PRR36: variants seen among roughly 807,000 people sequenced by gnomAD.
The protein encoded by PRR36 is proline rich 36, also known as proline-rich protein 36.
PRR36 carries 30 observed loss-of-function variants against 58.6 expected under a neutral mutation model. The ratio of observed to expected loss-of-function variants is 0.51; its 90% CI spans 0.38 to 0.69. The LOEUF is 0.69. Ranked by LOEUF, PRR36 falls within the 30% of genes least tolerant of loss-of-function variation. PRR36 has a pLI of 0.00. For synonymous variants in PRR36, 771 were observed against 829.3 expected (o/e 0.93, Z 1.21); for missense variants, 1,692 against 1,805.6 (o/e 0.94, Z 1.14).
In PRR36 at chr19:7,872,174, G is replaced by A. The variant is rs1044183604; in HGVS notation, c.1070C>T (p.Pro357Leu). ...SQAPPTLPATPHSSSLTCQLA... is the reference protein window; with the variant it reads ...SQAPPTLPATLHSSSLTCQLA... ...CTGACAGGTAAGGCTCGACGAGTGGGGCGTGGCCGGCAGGGTGGGCGGGGC... is the reference window on the plus strand; with the variant it reads ...CTGACAGGTAAGGCTCGACGAGTGGAGCGTGGCCGGCAGGGTGGGCGGGGC... The change falls in exon 5 of 6, where the codon CCC becomes CTC. Residue 357 changes from proline to leucine, a missense_variant. Physicochemically the swap from Pro to Leu is moderately conservative, Grantham distance 98 (BLOSUM62 -3). This residue lies in a region of PRR36 where 975 missense variants were observed against 955.2 expected (regional missense o/e 1.02). Transcript: ENST00000618550. The surrounding 1 kb of genome is among the most constrained non-coding windows in gnomAD (Gnocchi z 6.1). 1.8e-5 allele frequency: 27 copies of A among 1,470,328 alleles called. No individual in the cohort carries two copies. The highest frequency in any genetic ancestry group is 2.3e-5 in the Non-Finnish European group (26 of 1,113,766). The allele number at this position is 1,470,328 out of a possible 1,614,324, so 91.1% of individuals were successfully genotyped here.
At position 7,873,703 on chromosome 19, in the gene PRR36, A is replaced by G; in HGVS notation, c.-7-7T>C. On this transcript the variant is annotated splice_polypyrimidine_tract_variant and splice_region_variant and intron_variant, in intron 1 of 5. Coordinates refer to ENST00000618550, the MANE Select transcript of PRR36 (RefSeq NM_001190467.2). The surrounding 1 kb of genome is among the most constrained non-coding windows in gnomAD (Gnocchi z 5.0). The stretch of plus-strand genomic sequence containing the variant: ...CTTGTTGTCCATCTTGCACCTGAAG[A>G]GACAAACCGGTCCGCATCCCAGGTT... The G allele has an allele frequency of 1.3e-6, 2 of 1,532,582 alleles. No individual in the cohort carries two copies. The highest frequency in any genetic ancestry group is 1.7e-6 in the Non-Finnish European group (2 of 1,145,162). 94.9% of individuals were successfully genotyped at this position (1,532,582 alleles called of 1,614,324 possible).
chr19:7,871,430 G>A lies in PRR36; in HGVS notation c.1814C>T (p.Pro605Leu). ...TSPSLQAPPS[P>L]LALSSLQATT... ...GGCCTGCAGAGAGGACAAAGCCAGA[G>A]GAGAGGGAGGTGCCTGCAGAGACGG... Residue 605 changes from proline to leucine, a missense_variant, in exon 5 of 6, where the codon CCT (proline) becomes CTT (leucine). Pro to Leu is a moderately conservative substitution (Grantham distance 98). Transcript: ENST00000618550. 2 of 1,535,756 alleles carry A rather than the reference G, an allele frequency of 1.3e-6. No homozygotes were observed. Among genetic ancestry groups the A allele is most frequent in the Non-Finnish European group, 1.7e-6 (2 of 1,146,808 alleles).
rs891516236 is a variant in PRR36, at chr19:7,872,801, C to A, written c.488-45G>T. The A allele has an allele frequency of 2.6e-6, 4 of 1,527,410 alleles. No individual in the cohort carries two copies. The highest frequency in any genetic ancestry group is 2.8e-5 in the African/African-American group (2 of 72,608). The allele number at this position is 1,527,410 out of a possible 1,614,324, so 94.6% of individuals were successfully genotyped here. ...CCAAGGGTCACCGATACCTCTGAGGCGGCTCCCCTTGCTGCCCAGGAACCC... is the reference window on the plus strand; with the variant it reads ...CCAAGGGTCACCGATACCTCTGAGGAGGCTCCCCTTGCTGCCCAGGAACCC... On this transcript the variant is annotated intron_variant, in intron 4 of 5. Transcript: ENST00000618550. This position sits in a 1 kb window ranked among gnomAD's most constrained non-coding sequence, Gnocchi z 6.1.
rs534691518 is a variant in PRR36 at position 7,873,889 on chromosome 19, C to G, written c.-7-193G>C. 3.6e-4 allele frequency among the ~76,000 whole-genome samples: 55 copies of G among 152,168 alleles called. No individual in the cohort carries two copies. Among genetic ancestry groups the G allele is most frequent in the African/African-American group, 1.3e-3 (52 of 41,550 alleles). ...CAGCCCCACTGCTCCTCGCTGTCCC[C>G]AAGTCCCACCCCCCACCGCTTTTCC... is the stretch of plus-strand genomic sequence containing the variant. On this transcript the variant is annotated intron_variant, in intron 1 of 5. Coordinates refer to ENST00000618550, the MANE Select transcript of PRR36 (RefSeq NM_001190467.2). The surrounding 1 kb of genome is among the most constrained non-coding windows in gnomAD (Gnocchi z 5.0).
rs1455492264 is a variant in PRR36 at position 7,872,512 on chromosome 19, G to A, written c.732C>T (p.Ser244=). ...CTGGGGAGGAGAGAGGGGTGGCGCTGGAGCTCAGGGAGCGCGAGGCCGGCC... is the reference window on the plus strand; with the variant it reads ...CTGGGGAGGAGAGAGGGGTGGCGCTAGAGCTCAGGGAGCGCGAGGCCGGCC... ...LQRPASRSLS[S]SATPLSSPAR... Residue 244 remains serine, a synonymous_variant, in exon 5 of 6, where the codon TCC becomes TCT. Transcript: ENST00000618550. The surrounding 1 kb of genome is among the most constrained non-coding windows in gnomAD (Gnocchi z 6.1). 5 of 1,500,230 alleles carry A rather than the reference G, an allele frequency of 3.3e-6. No homozygotes were observed. Among genetic ancestry groups the A allele is most frequent in the South Asian group, 1.3e-5 (1 of 78,288 alleles). 92.9% of individuals were successfully genotyped at this position (1,500,230 alleles called of 1,614,324 possible).
chr19:7,869,250 C>T lies in PRR36; in HGVS notation c.3824G>A (p.Gly1275Asp). 1 of 1,484,054 alleles carries T rather than the reference C, an allele frequency of 6.7e-7. No homozygotes were observed. The highest frequency in any genetic ancestry group is 1.5e-5 in the African/African-American group (1 of 68,678). The allele number at this position is 1,484,054 out of a possible 1,614,324, so 91.9% of individuals were successfully genotyped here. ...ACCTCCTGGGCCCCCGCCGCTGCCG[C>T]CCGCGGCACCCTCGGCAGCCGCCAG... Reference protein sequence around the residue: ...LLLAAAEGAAGGSGGGPGGAE... With the variant: ...LLLAAAEGAADGSGGGPGGAE... Residue 1275 changes from glycine to aspartate, a missense_variant, in exon 6 of 6, where the codon GGC becomes GAC. Around this residue, in one of 5 missense-constraint regions of PRR36, gnomAD observed 485 missense variants for 549.2 expected, o/e 0.88. Transcript: ENST00000618550.
In PRR36 at chr19:7,872,968, A is replaced by G; in HGVS notation, c.375-7T>C. ...CTGGCCAAGAGGGCCTGGCCTGGAG[A>G]CAGAAGGGGCCACGCTCAGGCCTAG... is the stretch of plus-strand genomic sequence containing the variant. On this transcript the variant is annotated splice_region_variant and splice_polypyrimidine_tract_variant and intron_variant, in intron 3 of 5. Coordinates refer to ENST00000618550, the MANE Select transcript of PRR36 (RefSeq NM_001190467.2). The surrounding 1 kb of genome is among the most constrained non-coding windows in gnomAD (Gnocchi z 6.1). 12 of 1,533,180 alleles carry G rather than the reference A, an allele frequency of 7.8e-6. No individual in the cohort carries two copies. Among genetic ancestry groups the G allele is most frequent in the Non-Finnish European group, 8.7e-6 (10 of 1,144,698 alleles). 95.0% of individuals were successfully genotyped at this position (1,533,180 alleles called of 1,614,324 possible). A position where few individuals can be genotyped will look rare whatever the true frequency, so the allele number is the denominator to read the frequency against.
rs1599588449 is a variant in PRR36 at position 7,870,497 on chromosome 19, T to C, written c.2747A>G (p.Gln916Arg). 3.7e-6 allele frequency: 3 copies of C among 815,026 alleles called. No individual in the cohort carries two copies. The highest frequency in any genetic ancestry group is 4.3e-6 in the Non-Finnish European group (3 of 698,828). The allele number at this position is 815,026 out of a possible 1,614,324, so 50.5% of individuals were successfully genotyped here. A position where few individuals can be genotyped will look rare whatever the true frequency, so the allele number is the denominator to read the frequency against. The change falls in exon 5 of 6, where the codon CAG (glutamine) becomes CGG (arginine). Residue 916 changes from glutamine to arginine, a missense_variant. Physicochemically the swap from Gln to Arg is conservative, Grantham distance 43 (BLOSUM62 1). Coordinates refer to ENST00000618550, the MANE Select transcript of PRR36 (RefSeq NM_001190467.2). ...AGGTGCGGCTAGAGAGGGTGGGGCC[T>C]GTGAAGGGGGCGTGGCCGAAGGAGA... ...PVSPSATPPSQAPPSLAAPPL... is the reference protein window; with the variant it reads ...PVSPSATPPSRAPPSLAAPPL...
Position 7,871,748 on chromosome 19 carries a change from G to A in PRR36, c.1496C>T (p.Ala499Val). 6.5e-7 allele frequency: 1 copy of A among 1,536,000 alleles called. No individual in the cohort carries two copies. The highest frequency in any genetic ancestry group is 8.7e-7 in the Non-Finnish European group (1 of 1,146,868). ...LSALTTPPPQ[A>V]SPSPSPPSLQ... The stretch of plus-strand genomic sequence containing the variant: ...AGAGGGCGGAGACGGGGAAGGACTG[G>A]CCTGCGGAGGGGGCGTGGTCAGAGC... Residue 499 changes from alanine to valine, a missense_variant, in exon 5 of 6, where the codon GCC becomes GTC. Physicochemically the swap from Ala to Val is moderately conservative, Grantham distance 64. Transcript: ENST00000618550.
In PRR36 at chr19:7,873,161, C is replaced by T. The variant is rs543594056; in HGVS notation, c.374+36G>A. The T allele has an allele frequency of 1.3e-4, 200 of 1,525,816 alleles. No homozygotes were observed. The African/African-American group carries it at 2.4e-3, about 18-fold the overall frequency. The allele number at this position is 1,525,816 out of a possible 1,614,324, so 94.5% of individuals were successfully genotyped here. ...GGTTCCAGACTCTGTGACGCTAACC[C>T]TGGCTTAGGAGACTGGGGGAGAGGG... On this transcript the variant is annotated intron_variant, in intron 3 of 5. Transcript: ENST00000618550. This position sits in a 1 kb window ranked among gnomAD's most constrained non-coding sequence, Gnocchi z 5.0.
At position 7,871,037 on chromosome 19, in the gene PRR36, T is replaced by C. The variant is rs991112076; in HGVS notation, c.2207A>G (p.Asn736Ser). Residue 736 changes from asparagine (N) to serine (S), a missense_variant, in exon 5 of 6, where the codon AAC (asparagine) becomes AGC (serine). Physicochemically the swap from Asn to Ser is conservative, Grantham distance 46. Coordinates refer to ENST00000618550, the MANE Select transcript of PRR36 (RefSeq NM_001190467.2). ...PASLTTPPLE[N>S]LPSLAPPPLQ... ...AGGAGGCGGGGCTAGAGAAGGTAGG[T>C]TCTCCAGAGGGGGTGTGGTCAGGGA... The C allele has an allele frequency of 7.0e-6, 10 of 1,433,698 alleles. No homozygotes were observed. In the African/African-American group the frequency reaches 1.3e-4, roughly 19 times the overall value. The allele number at this position is 1,433,698 out of a possible 1,614,324, so 88.8% of individuals were successfully genotyped here.
In PRR36 at chr19:7,872,009, G is replaced by C; in HGVS notation, c.1235C>G (p.Ser412Cys). The C allele has an allele frequency of 2.0e-6, 3 of 1,535,742 alleles. No individual in the cohort carries two copies. Among genetic ancestry groups the C allele is most frequent in the Non-Finnish European group, 2.6e-6 (3 of 1,146,836 alleles). The change falls in exon 5 of 6, where the codon TCT becomes TGT. Residue 412 changes from serine to cysteine, a missense_variant. Physicochemically the swap from Ser to Cys is moderately radical, Grantham distance 112. Around this residue, in one of 5 missense-constraint regions of PRR36, gnomAD observed 975 missense variants for 955.2 expected, o/e 1.02. Coordinates refer to ENST00000618550, the MANE Select transcript of PRR36 (RefSeq NM_001190467.2). The surrounding 1 kb of genome is among the most constrained non-coding windows in gnomAD (Gnocchi z 6.1). Reference protein sequence around the residue: ...LIMSFPEAGVSSLATAAFVAS... With the variant: ...LIMSFPEAGVCSLATAAFVAS... ...CACAAAAGCGGCTGTGGCCAGGGAA[G>C]AGACGCCTGCTTCTGGAAAGGACAT...
In PRR36 at chr19:7,870,762, G is replaced by A; in HGVS notation, c.2482C>T (p.Leu828=). The A allele has an allele frequency of 2.1e-6, 3 of 1,415,926 alleles. No homozygotes were observed. The highest frequency in any genetic ancestry group is 2.8e-6 in the Non-Finnish European group (3 of 1,088,390). 87.7% of individuals were successfully genotyped at this position (1,415,926 alleles called of 1,614,324 possible). Residue 828 remains leucine (L), a synonymous_variant, in exon 5 of 6, where the codon CTG becomes TTG. Coordinates refer to ENST00000618550, the MANE Select transcript of PRR36 (RefSeq NM_001190467.2). ...AAAGGAGACAGAGGGGGAGAGGGCAGGCCCTGCAAAGGGGGTGAGGCCAGA... is the reference window on the plus strand; with the variant it reads ...AAAGGAGACAGAGGGGGAGAGGGCAAGCCCTGCAAAGGGGGTGAGGCCAGA... ...PALASPPLQG[L]PSPPLSPLAT... is the part of the protein sequence containing the mutation.
chr19:7,871,293 G>A lies in PRR36; in HGVS notation c.1951C>T (p.Pro651Ser), dbSNP rs1165615834. 4 of 1,527,532 alleles carry A rather than the reference G, an allele frequency of 2.6e-6. No individual in the cohort carries two copies. The East Asian group carries it at 7.4e-5, about 28-fold the overall frequency. The allele number at this position is 1,527,532 out of a possible 1,614,324, so 94.6% of individuals were successfully genotyped here. A position where few individuals can be genotyped will look rare whatever the true frequency, so the allele number is the denominator to read the frequency against. Residue 651 changes from proline to serine, a missense_variant, in exon 5 of 6, where the codon CCT becomes TCT. Transcript: ENST00000618550. Reference protein sequence around the residue: ...ISPSRPASTPPDSPPLQAPLS... With the variant: ...ISPSRPASTPSDSPPLQAPLS... Reference sequence around the variant, plus strand: ...GGGGCCTGCAGAGGGGGTGAATCAGGGGGAGTAGAGGCCGGCCGAGAAGGT... The same window carrying A: ...GGGGCCTGCAGAGGGGGTGAATCAGAGGGAGTAGAGGCCGGCCGAGAAGGT...
rs1387929963 is a variant in PRR36 at position 7,869,229 on chromosome 19, C to T, written c.3845G>A (p.Gly1282Glu). Residue 1282 changes from glycine (G) to glutamate (E), a missense_variant, in exon 6 of 6, where the codon GGA becomes GAA. This residue lies in a region of PRR36 where 485 missense variants were observed against 549.2 expected (regional missense o/e 0.88). Transcript: ENST00000618550. ...TGTGACGCCACCACCCTCCGCACCT[C>T]CTGGGCCCCCGCCGCTGCCGCCCGC... ...GAAGGSGGGP[G>E]GAEGGGVTGG... 1.3e-6 allele frequency: 2 copies of T among 1,501,502 alleles called. No individual in the cohort carries two copies. Among genetic ancestry groups the T allele is most frequent in the African/African-American group, 1.4e-5 (1 of 69,600 alleles). The allele number at this position is 1,501,502 out of a possible 1,614,324, so 93.0% of individuals were successfully genotyped here. A position where few individuals can be genotyped will look rare whatever the true frequency, so the allele number is the denominator to read the frequency against.
At position 7,871,705 on chromosome 19, in the gene PRR36, G is replaced by T. The variant is rs535839586; in HGVS notation, c.1539C>A (p.His513Gln). ...CCTGCAGAGGAAGAGTGGCCAGAGT[G>T]TGGGGCGTGGCCTGGAGAGAGGGCG... ...PSPPSLQATP[H>Q]TLATLPLQDS... is the part of the protein sequence containing the mutation. Residue 513 changes from histidine to glutamine, a missense_variant, in exon 5 of 6, where the codon CAC becomes CAA. His to Gln is a conservative substitution (Grantham distance 24, BLOSUM62 0). Coordinates refer to ENST00000618550, the MANE Select transcript of PRR36 (RefSeq NM_001190467.2). 12 of 1,535,724 alleles carry T rather than the reference G, an allele frequency of 7.8e-6. No homozygotes were observed. The South Asian group carries it at 1.1e-4, about 14-fold the overall frequency.
In PRR36 at chr19:7,872,499, G is replaced by C; in HGVS notation, c.745C>G (p.Leu249Val). 1 of 1,493,346 alleles carries C rather than the reference G, an allele frequency of 6.7e-7. No homozygotes were observed. The highest frequency in any genetic ancestry group is 8.9e-7 in the Non-Finnish European group (1 of 1,128,682). 92.5% of individuals were successfully genotyped at this position (1,493,346 alleles called of 1,614,324 possible). A position where few individuals can be genotyped will look rare whatever the true frequency, so the allele number is the denominator to read the frequency against. Residue 249 changes from leucine (L) to valine (V), a missense_variant, in exon 5 of 6, where the codon CTC (leucine) becomes GTC (valine). Physicochemically the swap from Leu to Val is conservative, Grantham distance 32. This residue lies in a region of PRR36 where 975 missense variants were observed against 955.2 expected (regional missense o/e 1.02). Coordinates refer to ENST00000618550, the MANE Select transcript of PRR36 (RefSeq NM_001190467.2). The surrounding 1 kb of genome is among the most constrained non-coding windows in gnomAD (Gnocchi z 6.1). The stretch of plus-strand genomic sequence containing the variant: ...GGCCCAGAACGGGCTGGGGAGGAGA[G>C]AGGGGTGGCGCTGGAGCTCAGGGAG... ...SRSLSSSATP[L>V]SSPARSGPSA...
Position 7,869,799 on chromosome 19 carries a change from G to T in PRR36, c.3445C>A (p.Pro1149Thr). ...CAAGCGGCGAGCTCTGCGTCGGGGG[G>T]CGGGGAGGCTGCGGCACCGCCCTCG... ...GPEGGAAASPPPDAELAACHP... is the reference protein window; with the variant it reads ...GPEGGAAASPTPDAELAACHP... Residue 1149 changes from proline (P) to threonine (T), a missense_variant, in exon 5 of 6, where the codon CCC becomes ACC. Transcript: ENST00000618550. 4 of 1,356,336 alleles carry T rather than the reference G, an allele frequency of 2.9e-6. No homozygotes were observed. The highest frequency in any genetic ancestry group is 1.5e-5 in the African/African-American group (1 of 65,074). 84.0% of individuals were successfully genotyped at this position (1,356,336 alleles called of 1,614,324 possible).
chr19:7,870,182 G>T lies in PRR36; in HGVS notation c.3062C>A (p.Ala1021Asp). The change falls in exon 5 of 6, where the codon GCC becomes GAC. Residue 1021 changes from alanine (A) to aspartate (D), a missense_variant. Transcript: ENST00000618550. ...GAATGAGGCAGGCGGAGAGGGAAGG[G>T]CCTGCAGAGGAGGTGTGGCCAGAGC... ...PPALATPPLQ[A>D]LPSPPASFPG... 7.0e-7 allele frequency: 1 copy of T among 1,424,516 alleles called. No homozygotes were observed. Among genetic ancestry groups the T allele is most frequent in the Non-Finnish European group, 9.1e-7 (1 of 1,095,328 alleles). 88.2% of individuals were successfully genotyped at this position (1,424,516 alleles called of 1,614,324 possible).
Sources: gnomAD v4.1 joint callset for allele counts (sites outside exome capture counted in the v4.1 genomes callset) on GRCh38, gnomAD v4.1.1 for gene constraint, gnomAD v4.1.1 regional missense constraint, Gnocchi (gnomAD v3.1) non-coding constraint, MANE v1.5 for transcripts, NCBI Gene and HGNC (gene_info 2026-07-23, HGNC 2026-07-21) for gene names.